The following GNAO1 variants were observed in gnomAD, a reference collection of about 807,000 sequenced individuals.
GNAO1 encodes the protein guanine nucleotide-binding protein G(o) subunit alpha.
For synonymous variants in GNAO1, 164 were observed against 180.7 expected (o/e 0.91, Z 0.74); for missense variants, 166 against 478.7 (o/e 0.35, Z 6.10).
intron 6 of GNAO1, chr16:56,340,652 C>T (rs1567491234): frequency 3.1e-6 from 2 of 639,262 alleles, no homozygotes; most frequent in African/African-American, 1.8e-5. Context: ...TGGAATGAAA[C>T]AGGACCACGT....
At chr16:56,289,957 G>T (rs1399826834) in intron 3 of GNAO1, among the ~76,000 whole-genome samples, 6 of 152,206 alleles carry the variant, frequency 3.9e-5, no homozygotes, top group Non-Finnish European at 8.8e-5. Flanking sequence ...GCCAAAGTGA[G>T]CTTTTAAAAA....
intron 3 of GNAO1, among the ~76,000 whole-genome samples, chr16:56,289,558 C>G (rs1486695217): frequency 6.6e-6 from 1 of 152,128 alleles, no homozygotes; most frequent in Non-Finnish European, 1.5e-5. Flanking sequence ...AGATGAGCGG[C>G]CCCATGCAAA....
intron 2 of GNAO1, among the ~76,000 whole-genome samples, chr16:56,231,986 G>A (rs1007381845): frequency 3.9e-5 from 6 of 152,154 alleles, no homozygotes; most frequent in Non-Finnish European, 1.5e-5. Flanking sequence ...GAATGTGGGG[G>A]CTGGAGGAGG....
intron 3 of GNAO1, among the ~76,000 whole-genome samples, chr16:56,298,914 C>CAAA (rs761298658): frequency 1.4e-5 from 1 of 70,328 alleles, no homozygotes; most frequent in African/African-American, 5.0e-5. Context: ...GACTCTGTCT[C>CAAA]AAAAAAAAAA....
intron 3 of GNAO1, among the ~76,000 whole-genome samples, chr16:56,323,280 C>G (rs2037595365): frequency 6.6e-6 from 1 of 152,162 alleles, no homozygotes; most frequent in Non-Finnish European, 1.5e-5. Context: ...AGAGCTATAC[C>G]CATTATGATT....
In GNAO1 at chr16:56,215,180, G is replaced by A. The variant is rs78290613; in HGVS notation, c.161+22564G>A. Among the ~76,000 whole-genome samples, 1,018 of 152,224 alleles carry A rather than the reference G, an allele frequency of 6.7e-3. 13 individuals carry two copies. Among genetic ancestry groups the A allele is most frequent in the African/African-American group, 0.019 (800 of 41,542 alleles). ...CGCTCAAGTCTCATCTGGTCCATGG[G>A]GTGTTCCTCTGGAAGCTGAACCACA... is the stretch of plus-strand genomic sequence containing the variant. On this transcript the variant is annotated intron_variant, in intron 2 of 8. Transcript: ENST00000262493.
chr16:56,277,665 G>T (rs1381124016), intron 3 of GNAO1, among the ~76,000 whole-genome samples: 1 of 151,918 alleles, frequency 6.6e-6, no homozygotes, highest in Non-Finnish European at 1.5e-5. Context: ...TCATCTTCAG[G>T]CATGGCACAA....
At chr16:56,244,020 G>C (rs1395675988) in intron 2 of GNAO1, among the ~76,000 whole-genome samples, 1 of 152,180 alleles carries the variant, frequency 6.6e-6, no homozygotes, top group East Asian at 1.9e-4. Context: ...AGAGTTTAGA[G>C]TTTGTGTTCT....
chr16:56,346,625 C>A, intron 6 of GNAO1: 3 of 985,388 alleles, frequency 3.0e-6, no homozygotes, highest in Non-Finnish European at 3.6e-6. Flanking sequence ...ACAGTCTGGG[C>A]CCCTGACCAA....
At chr16:56,201,072 A>G (rs1474933051) in intron 2 of GNAO1, among the ~76,000 whole-genome samples, 3 of 152,200 alleles carry the variant, frequency 2.0e-5, no homozygotes, top group Non-Finnish European at 4.4e-5. Flanking sequence ...GGAAGGCCTC[A>G]GTCCTTGTCC....
intron 4 of GNAO1, among the ~76,000 whole-genome samples, chr16:56,330,970 AG>A (rs2037683112): frequency 6.6e-6 from 1 of 152,222 alleles, no homozygotes; most frequent in South Asian, 2.1e-4. Flanking sequence ...ACAGGTGGCC[AG>A]GGCCGGAAGG....
At chr16:56,222,761 A>G (rs1249798755) in intron 2 of GNAO1, among the ~76,000 whole-genome samples, 3 of 152,162 alleles carry the variant, frequency 2.0e-5, no homozygotes, top group Admixed American at 2.0e-4. Flanking sequence ...CTCGGAGAGC[A>G]TTTCATCCAG....
At chr16:56,245,957 A>G (rs1332718139) in intron 2 of GNAO1, among the ~76,000 whole-genome samples, 4 of 152,120 alleles carry the variant, frequency 2.6e-5, no homozygotes, top group African/African-American at 9.7e-5. Context: ...CCAGGATTCA[A>G]ACTCGGATCT....
chr16:56,344,332 T>G, intron 6 of GNAO1: 1 of 1,079,424 alleles, frequency 9.3e-7, no homozygotes, highest in East Asian at 6.1e-5. Context: ...GGGGCGCAGA[T>G]GGCCCTGCAG....
chr16:56,285,276 A>G (rs2037155234), intron 3 of GNAO1, among the ~76,000 whole-genome samples: 1 of 149,168 alleles, frequency 6.7e-6, no homozygotes, highest in African/African-American at 2.5e-5. Context: ...CATAAGCCCT[A>G]ATGACTCTGC....
intron 2 of GNAO1, among the ~76,000 whole-genome samples, chr16:56,211,436 C>T (rs1258170023): frequency 2.6e-5 from 4 of 152,162 alleles, no homozygotes; most frequent in African/African-American, 9.7e-5. Flanking sequence ...GCTATGCCGT[C>T]CTCCAGGGTC....
chr16:56,351,265 G>A lies in GNAO1; in HGVS notation c.724-119G>A, dbSNP rs1454490367. The A allele has an allele frequency of 3.2e-5, 21 of 661,602 alleles. No individual in the cohort carries two copies. The highest frequency in any genetic ancestry group is 9.0e-5 in the African/African-American group (5 of 55,318). The allele number at this position is 661,602 out of a possible 1,614,324, so 41.0% of individuals were successfully genotyped here. On this transcript the variant is annotated intron_variant, in intron 6 of 8. Transcript: ENST00000262493. This position sits in a 1 kb window ranked among gnomAD's most constrained non-coding sequence, Gnocchi z 6.1. ...CTCAGGTTCCATCTGGCAGCCTCTC[G>A]GAGGAGCTGCCGAGTAGCCCAGTCC...
At chr16:56,256,525 T>TA (rs1187620037) in intron 2 of GNAO1, among the ~76,000 whole-genome samples, 1 of 152,214 alleles carries the variant, frequency 6.6e-6, no homozygotes, top group Non-Finnish European at 1.5e-5. Flanking sequence ...TTCCCGCATG[T>TA]ACCCCCATCT....
At chr16:56,197,211 C>T (rs1254145563) in intron 2 of GNAO1, among the ~76,000 whole-genome samples, 1 of 152,218 alleles carries the variant, frequency 6.6e-6, no homozygotes, top group Non-Finnish European at 1.5e-5. Context: ...CACACTGGCC[C>T]CCAGGGTCGC....
Sources: allele counts gnomAD v4.1 joint callset (sites outside exome capture counted in the v4.1 genomes callset), GRCh38; gene constraint gnomAD v4.1.1; non-coding constraint Gnocchi (gnomAD v3.1); transcripts MANE v1.5; gene names NCBI Gene and HGNC (gene_info 2026-07-23, HGNC 2026-07-21).